Variants in FOCAD observed in about 807,000 individuals in gnomAD.
FOCAD encodes the protein KIAA1797.
In FOCAD, 198 loss-of-function variants were observed where a neutral mutation model predicts 225.6. The observed-to-expected ratio is 0.88, with a 90% CI of 0.78 to 0.99. The LOEUF is 0.99. Among genes scored for constraint, FOCAD ranks in the 50% least tolerant of loss-of-function variants. FOCAD has a pLI of 0.00. For missense variants in FOCAD, 2,713 were observed against 2,123.6 expected, an observed-to-expected ratio of 1.28 and a Z score of -5.46; for synonymous variants, 897 against 755.0, an observed-to-expected ratio of 1.19 and a Z score of -3.08.
intron 15 of FOCAD, among the ~76,000 whole-genome samples, chr9:20,857,448 A>G (rs1828298339): frequency 6.6e-6 from 1 of 151,904 alleles, no homozygotes; most frequent in Non-Finnish European, 1.5e-5. Flanking sequence ...TTAATTTTGT[A>G]TTCTGTGACT....
intron 29 of FOCAD, among the ~76,000 whole-genome samples, 166 bp from the exon 30 acceptor site, chr9:20,946,535 T>C (rs1452821749): frequency 6.6e-6 from 1 of 152,212 alleles, no homozygotes; most frequent in African/African-American, 2.4e-5. Context: ...TGTTATGAAA[T>C]ATTACAATAT....
At chr9:20,871,114 G>T (rs1829724470) in intron 18 of FOCAD, among the ~76,000 whole-genome samples, 1 of 151,916 alleles carries the variant, frequency 6.6e-6, no homozygotes, top group African/African-American at 2.4e-5. Flanking sequence ...TGAGGTAGGA[G>T]AATTGCTTGA....
chr9:20,881,754 C>T (rs1382550422), intron 19 of FOCAD, 117 bp from the exon 20 acceptor site: 2 of 972,896 alleles, frequency 2.1e-6, no homozygotes, highest in South Asian at 1.6e-5. Context: ...CTCTTTTTAC[C>T]ATGTAAGGTT....
At chr9:20,868,808 G>A (rs1249266211) in intron 18 of FOCAD, among the ~76,000 whole-genome samples, 1 of 151,998 alleles carries the variant, frequency 6.6e-6, no homozygotes, top group Admixed American at 6.6e-5. Flanking sequence ...GTTGAGATGA[G>A]GGGTGTAAGT....
At chr9:20,882,237 A>G (rs1394460731) in intron 20 of FOCAD, among the ~76,000 whole-genome samples, 181 bp downstream of exon 20, 4 of 152,204 alleles carry the variant, frequency 2.6e-5, no homozygotes, top group Non-Finnish European at 5.9e-5. Context: ...AGACAAATAG[A>G]TGGATTTAAG....
At chr9:20,949,813 T>G (rs1328282074) in intron 33 of FOCAD, 138 bp downstream of exon 33, 6 of 683,836 alleles carry the variant, frequency 8.8e-6, no homozygotes, top group Non-Finnish European at 1.5e-5. Flanking sequence ...AAGAGGCATT[T>G]GGGAGTGATG....
At chr9:20,754,307 A>C (rs1828843625) in intron 5 of FOCAD, among the ~76,000 whole-genome samples, 1 of 152,196 alleles carries the variant, frequency 6.6e-6, no homozygotes, top group South Asian at 2.1e-4. Flanking sequence ...GTAGGAAAAT[A>C]ACTTCATTTT....
chr9:20,953,179 A>G (rs753399535), intron 35 of FOCAD, 114 bp downstream of exon 35: 89 of 805,082 alleles, frequency 1.1e-4, no homozygotes, highest in Non-Finnish European at 1.7e-4. Context: ...TGAAGGGGTG[A>G]ATATTTTCGT....
chr9:20,753,605 A>G (rs1828772833), intron 5 of FOCAD, among the ~76,000 whole-genome samples: 1 of 151,916 alleles, frequency 6.6e-6, no homozygotes, highest in Non-Finnish European at 1.5e-5. Context: ...CATCAAGGAT[A>G]TTGGTCTAAA....
At chr9:20,773,536 T>C (rs546263657) in intron 8 of FOCAD, among the ~76,000 whole-genome samples, 30 of 152,248 alleles carry the variant, frequency 2.0e-4, no homozygotes, top group Middle Eastern at 3.4e-3. Flanking sequence ...GCTCAAGAAA[T>C]AGAGGTTTCT....
intron 15 of FOCAD, among the ~76,000 whole-genome samples, chr9:20,837,284 G>C (rs1296814648): frequency 2.0e-5 from 3 of 152,026 alleles, no homozygotes; most frequent in African/African-American, 4.8e-5. Context: ...AGGCTGTTCA[G>C]GGTGTCCAGC....
At chr9:20,706,624 T>G (rs1824411733) in intron 1 of FOCAD, among the ~76,000 whole-genome samples, 1 of 152,210 alleles carries the variant, frequency 6.6e-6, no homozygotes, top group Non-Finnish European at 1.5e-5. Flanking sequence ...CATGATGACT[T>G]TCCTTTTTGG....
At chr9:20,893,245 T>G (rs994679195) in intron 21 of FOCAD, among the ~76,000 whole-genome samples, 5 of 152,094 alleles carry the variant, frequency 3.3e-5, no homozygotes, top group Non-Finnish European at 5.9e-5. Flanking sequence ...AAATACATAA[T>G]GCTGTTACAT....
intron 10 of FOCAD, among the ~76,000 whole-genome samples, chr9:20,782,899 T>C (rs1455872456): frequency 6.6e-6 from 1 of 152,246 alleles, no homozygotes; most frequent in African/African-American, 2.4e-5. Context: ...TACAGCTTCC[T>C]AAATCCTAAT....
Position 20,944,713 on chromosome 9 carries a change from T to C in FOCAD, c.3494T>C (p.Leu1165Ser), listed in dbSNP as rs777152394. 6.2e-7 allele frequency: 1 copy of C among 1,613,990 alleles called. No individual in the cohort carries two copies. Among genetic ancestry groups the C allele is most frequent in the Admixed American group, 1.7e-5 (1 of 59,998 alleles). Residue 1165 changes from leucine (L) to serine (S), a missense_variant, in exon 29 of 44, where the codon TTG becomes TCG. Physicochemically the swap from Leu to Ser is moderately radical, Grantham distance 145 (BLOSUM62 -2). Coordinates refer to ENST00000338382, the MANE Select transcript of FOCAD (RefSeq NM_001375567.1). ...CAGTCCCGCGTTCACGTAGCAGCAT[T>C]GCTCCGGAAGCTGTCTGCGCACGTA... ...QMQSRVHVAA[L>S]LRKLSAHVDD... is the part of the protein sequence containing the mutation.
At chr9:20,676,140 C>T (rs1011080647) in intron 2 of FOCAD, among the ~76,000 whole-genome samples, 1 of 152,178 alleles carries the variant, frequency 6.6e-6, no homozygotes, top group Non-Finnish European at 1.5e-5. Flanking sequence ...CCCATTGTTA[C>T]TTACTATGCT....
intron 11 of FOCAD, among the ~76,000 whole-genome samples, chr9:20,802,111 G>T (rs1159713896): frequency 6.6e-6 from 1 of 152,136 alleles, no homozygotes; most frequent in African/African-American, 2.4e-5. Context: ...AGCCAGGCAG[G>T]TAGTTAAGAA....
At position 20,789,570 on chromosome 9, in the gene FOCAD, A is replaced by C; in HGVS notation, c.1417A>C (p.Lys473Gln). The part of the protein sequence containing the change: ...DKGQNLHQIL[K>Q]VTTELAQADS... The stretch of plus-strand genomic sequence containing the variant: ...AGGACAAAATCTTCACCAAATACTC[A>C]AGGTCACTACAGAATTAGCCCAAGC... The change falls in exon 11 of 44, where the codon AAG becomes CAG. Residue 473 changes from lysine (K) to glutamine (Q), a missense_variant. Coordinates refer to ENST00000338382, the MANE Select transcript of FOCAD (RefSeq NM_001375567.1). The C allele has an allele frequency of 5.0e-6, 8 of 1,613,962 alleles. No homozygotes were observed. The highest frequency in any genetic ancestry group is 6.8e-6 in the Non-Finnish European group (8 of 1,179,956).
intron 9 of FOCAD, 152 bp from the exon 10 acceptor site, chr9:20,781,575 C>T: frequency 2.2e-5 from 13 of 603,024 alleles, no homozygotes; most frequent in South Asian, 8.4e-5. Flanking sequence ...CTTTTATTTC[C>T]TTTTAGGATA....
Sources: allele counts gnomAD v4.1 joint callset (sites outside exome capture counted in the v4.1 genomes callset), GRCh38; gene constraint gnomAD v4.1.1; transcripts MANE v1.5; gene names NCBI Gene and HGNC (gene_info 2026-07-23, HGNC 2026-07-21).